The following C3orf62 variants were observed in gnomAD, a reference collection of about 807,000 sequenced individuals.
C3orf62 encodes uncharacterized protein C3orf62.
C3orf62 carries 16 observed loss-of-function variants against 21.7 expected under a neutral mutation model. The observed-to-expected ratio is 0.74, with a 90% CI of 0.50 to 1.12. The LOEUF (loss-of-function observed/expected upper bound fraction) is 1.12, where lower values mean the gene tolerates loss of function less well. Among genes scored for constraint, C3orf62 ranks in the 50% most tolerant of loss-of-function variants. The probability of loss-of-function intolerance (pLI) is 0.00; values close to 1 mark genes in which losing one functional copy is unlikely to be tolerated. For missense variants in C3orf62, 310 were observed against 318.8 expected (o/e 0.97, Z 0.21); for synonymous variants, 114 against 117.0 (o/e 0.97, Z 0.17).
Position 49,276,909 on chromosome 3 carries a change from G to T in C3orf62, c.-37C>A. The T allele has an allele frequency of 6.3e-7, 1 of 1,574,954 alleles. No individual in the cohort carries two copies. The highest frequency in any genetic ancestry group is 1.7e-4 in the Middle Eastern group (1 of 5,856). On this transcript the variant is annotated 5_prime_UTR_variant, in exon 1 of 3. Coordinates refer to ENST00000343010, the MANE Select transcript of C3orf62 (RefSeq NM_198562.3). ...AGGACAACACAATAATGTTACAAAT[G>T]AGGCTGCAAACTACCCCTGAATGGC... is the stretch of plus-strand genomic sequence containing the variant.
intron 2 of C3orf62, 37 bp from the exon 3 acceptor site, chr3:49,271,482 G>A: frequency 6.3e-7 from 1 of 1,591,450 alleles, no homozygotes; most frequent in Non-Finnish European, 8.6e-7. Context: ...CAATTCCAGT[G>A]GAAGGTTTCT....
rs1023692104 is a variant in C3orf62, at chr3:49,271,046, T to G, written c.*134A>C. The G allele has an allele frequency of 3.5e-6, 3 of 853,416 alleles. No individual in the cohort carries two copies. Among genetic ancestry groups the G allele is most frequent in the African/African-American group, 3.4e-5 (2 of 59,112 alleles). The allele number at this position is 853,416 out of a possible 1,614,324, so 52.9% of individuals were successfully genotyped here. On this transcript the variant is annotated 3_prime_UTR_variant, in exon 3 of 3. Transcript: ENST00000343010. Reference sequence around the variant, plus strand: ...AGCTTAAAAAGGGACACAACTGGGATTTAAAAAGGGTCTGGTAATTCAGGT... The same window carrying G: ...AGCTTAAAAAGGGACACAACTGGGAGTTAAAAAGGGTCTGGTAATTCAGGT...
In C3orf62 at chr3:49,271,069, G is replaced by C; in HGVS notation, c.*111C>G. On this transcript the variant is annotated 3_prime_UTR_variant, in exon 3 of 3. Transcript: ENST00000343010. ...GATTTAAAAAGGGTCTGGTAATTCAGGTTCTGCCAACCTTTTGAGAAATGT... is the reference window on the plus strand; with the variant it reads ...GATTTAAAAAGGGTCTGGTAATTCACGTTCTGCCAACCTTTTGAGAAATGT... The C allele has an allele frequency of 1.8e-6, 2 of 1,110,634 alleles. No individual in the cohort carries two copies. Among genetic ancestry groups the C allele is most frequent in the South Asian group, 3.2e-5 (2 of 62,752 alleles). The allele number at this position is 1,110,634 out of a possible 1,614,324, so 68.8% of individuals were successfully genotyped here.
At chr3:49,274,288 G>A in intron 1 of C3orf62, 148 bp from the exon 2 acceptor site, 1 of 623,262 alleles carries the variant, frequency 1.6e-6, no homozygotes, top group Non-Finnish European at 2.9e-6. Context: ...AGGACAATTG[G>A]AAACTGCTAC....
In C3orf62 at chr3:49,271,378, G is replaced by C; in HGVS notation, c.606C>G (p.His202Gln). 1 of 1,614,216 alleles carries C rather than the reference G, an allele frequency of 6.2e-7. No individual in the cohort carries two copies. Among genetic ancestry groups the C allele is most frequent in the African/African-American group, 1.3e-5 (1 of 75,054 alleles). ...GKIEFENELNHMCGHCQDSPF... is the reference protein window; with the variant it reads ...GKIEFENELNQMCGHCQDSPF... ...GTGAATCTTGGCAATGACCACACAT[G>C]TGGTTCAATTCGTTTTCAAATTCTA... The change falls in exon 3 of 3, where the codon CAC becomes CAG. Residue 202 changes from histidine (H) to glutamine (Q), a missense_variant. His to Gln is a conservative substitution (Grantham distance 24). Transcript: ENST00000343010.
chr3:49,273,634 G>A (rs983243430), intron 2 of C3orf62, among the ~76,000 whole-genome samples: 1 of 151,892 alleles, frequency 6.6e-6, no homozygotes, highest in African/African-American at 2.4e-5. Flanking sequence ...CGCTATGTAT[G>A]GTACCCAAGC....
Position 49,277,123 on chromosome 3 carries a change from C to G in C3orf62, c.-251G>C. 2.7e-6 allele frequency: 4 copies of G among 1,472,026 alleles called. No homozygotes were observed. The highest frequency in any genetic ancestry group is 3.6e-6 in the Non-Finnish European group (4 of 1,105,410). The allele number at this position is 1,472,026 out of a possible 1,614,324, so 91.2% of individuals were successfully genotyped here. On this transcript the variant is annotated 5_prime_UTR_variant, in exon 1 of 3. Coordinates refer to ENST00000343010, the MANE Select transcript of C3orf62 (RefSeq NM_198562.3). ...CTGCCTCCCGCCCCACCGCGGCTCC[C>G]AGGCCGCTGGCCCTACCGGCACCCC... is the stretch of plus-strand genomic sequence containing the variant.
intron 1 of C3orf62, among the ~76,000 whole-genome samples, chr3:49,275,641 C>T: frequency 6.9e-6 from 1 of 144,732 alleles, no homozygotes. Flanking sequence ...TGCCATTCTC[C>T]TGCCTCAGCC....
intron 1 of C3orf62, among the ~76,000 whole-genome samples, chr3:49,275,548 T>TTTTTTTC (rs1575595771): frequency 7.6e-6 from 1 of 131,932 alleles, no homozygotes; most frequent in Non-Finnish European, 1.6e-5. Flanking sequence ...TTTTTTTTTT[T>TTTTTTTC]GATACGGAGT....
rs1559460581 is a variant in C3orf62, at chr3:49,276,635, CA to C, written c.237del (p.Phe79LeufsTer22). 6.2e-7 allele frequency: 1 copy of C among 1,614,192 alleles called. No individual in the cohort carries two copies. Among genetic ancestry groups the C allele is most frequent in the Admixed American group, 1.7e-5 (1 of 60,024 alleles). ...TTCTCAGGAGCACATGGGACAGCAG[CA>C]AAAGGAGCAGCAGAAGAGCAGGCTG... The part of the protein sequence containing the change: ...PLAACSSAAP[F>X]AAVPCAPENE... On this transcript the variant is annotated frameshift_variant, in exon 1 of 3. Transcript: ENST00000343010. LOFTEE classifies it high-confidence loss of function.
rs1346953275 is a variant in C3orf62 at position 49,276,979 on chromosome 3, C to A, written c.-107G>T. ...GCCCTGGCTATAGCAGGACCCACAACCCTCGGGCTTTCCTCCTGGAGTAGG... is the reference window on the plus strand; with the variant it reads ...GCCCTGGCTATAGCAGGACCCACAAACCTCGGGCTTTCCTCCTGGAGTAGG... On this transcript the variant is annotated 5_prime_UTR_variant, in exon 1 of 3. Coordinates refer to ENST00000343010, the MANE Select transcript of C3orf62 (RefSeq NM_198562.3). 1 of 1,487,690 alleles carries A rather than the reference C, an allele frequency of 6.7e-7. No homozygotes were observed. Among genetic ancestry groups the A allele is most frequent in the African/African-American group, 1.4e-5 (1 of 71,290 alleles). The allele number at this position is 1,487,690 out of a possible 1,614,324, so 92.2% of individuals were successfully genotyped here.
rs1559460825 is a variant in C3orf62 at position 49,276,915 on chromosome 3, G to A, written c.-43C>T. 6.4e-7 allele frequency: 1 copy of A among 1,569,872 alleles called. No individual in the cohort carries two copies. Among genetic ancestry groups the A allele is most frequent in the Non-Finnish European group, 8.6e-7 (1 of 1,158,214 alleles). On this transcript the variant is annotated 5_prime_UTR_variant, in exon 1 of 3. Coordinates refer to ENST00000343010, the MANE Select transcript of C3orf62 (RefSeq NM_198562.3). ...ACACAATAATGTTACAAATGAGGCTGCAAACTACCCCTGAATGGCCACGAT... is the reference window on the plus strand; with the variant it reads ...ACACAATAATGTTACAAATGAGGCTACAAACTACCCCTGAATGGCCACGAT...
chr3:49,276,993 T>C lies in C3orf62; in HGVS notation c.-121A>G, dbSNP rs1307541474. On this transcript the variant is annotated 5_prime_UTR_variant, in exon 1 of 3. Transcript: ENST00000343010. ...AGGACCCACAACCCTCGGGCTTTCCTCCTGGAGTAGGCGGTTCTCGGCTCT... is the reference window on the plus strand; with the variant it reads ...AGGACCCACAACCCTCGGGCTTTCCCCCTGGAGTAGGCGGTTCTCGGCTCT... The C allele has an allele frequency of 6.8e-7, 1 of 1,473,768 alleles. No individual in the cohort carries two copies. The highest frequency in any genetic ancestry group is 2.4e-5 in the East Asian group (1 of 41,104). 91.3% of individuals were successfully genotyped at this position (1,473,768 alleles called of 1,614,324 possible).
At chr3:49,272,013 C>T (rs1475140244) in intron 2 of C3orf62, among the ~76,000 whole-genome samples, 2 of 151,990 alleles carry the variant, frequency 1.3e-5, no homozygotes, top group African/African-American at 4.8e-5. Context: ...AGTTTACCTC[C>T]TGGGGCTACT....
rs2046912079 is a variant in C3orf62, at chr3:49,271,591, C to A, written c.539-146G>T. ...TCCTGCCCCAGGACAGGCAGGCTGC[C>A]AGACTGCCAAATTAAGGTGGGTTTG... On this transcript the variant is annotated intron_variant, in intron 2 of 2. Transcript: ENST00000343010. 4 of 1,054,038 alleles carry A rather than the reference C, an allele frequency of 3.8e-6. No homozygotes were observed. The East Asian group carries it at 9.6e-5, about 25-fold the overall frequency. The allele number at this position is 1,054,038 out of a possible 1,614,324, so 65.3% of individuals were successfully genotyped here.
chr3:49,271,534 T>C, intron 2 of C3orf62, 89 bp from the exon 3 acceptor site: 1 of 1,443,876 alleles, frequency 6.9e-7, no homozygotes, highest in Non-Finnish European at 9.4e-7. Flanking sequence ...GAATGGGTTG[T>C]CATTTATCAG....
At position 49,271,096 on chromosome 3, in the gene C3orf62, GC is replaced by G. The variant is rs2046909332; in HGVS notation, c.*83del. 1.5e-6 allele frequency: 2 copies of G among 1,359,486 alleles called. No individual in the cohort carries two copies. The highest frequency in any genetic ancestry group is 2.9e-5 in the African/African-American group (2 of 68,750). The allele number at this position is 1,359,486 out of a possible 1,614,324, so 84.2% of individuals were successfully genotyped here. A position where few individuals can be genotyped will look rare whatever the true frequency, so the allele number is the denominator to read the frequency against. On this transcript the variant is annotated 3_prime_UTR_variant, in exon 3 of 3. Coordinates refer to ENST00000343010, the MANE Select transcript of C3orf62 (RefSeq NM_198562.3). ...TTCTGCCAACCTTTTGAGAAATGTGGCCCCTGACGGCCATTGTAGCTGCTTC... is the reference window on the plus strand; with the variant it reads ...TTCTGCCAACCTTTTGAGAAATGTGGCCCTGACGGCCATTGTAGCTGCTTC...
At chr3:49,276,290 A>G (rs1024217957) in intron 1 of C3orf62, 137 bp downstream of exon 1, 18 of 767,966 alleles carry the variant, frequency 2.3e-5, no homozygotes, top group Middle Eastern at 3.6e-4. Context: ...ATGTCTGTCA[A>G]CTCCCCAAAT....
At chr3:49,275,787 C>T (rs983779699) in intron 1 of C3orf62, among the ~76,000 whole-genome samples, 3 of 152,052 alleles carry the variant, frequency 2.0e-5, no homozygotes, top group East Asian at 3.9e-4. Context: ...GCCTCGGCCT[C>T]CCAAAGTGCT....
Sources: allele counts gnomAD v4.1 joint callset (sites outside exome capture counted in the v4.1 genomes callset), GRCh38; gene constraint gnomAD v4.1.1; transcripts MANE v1.5; gene names NCBI Gene and HGNC (gene_info 2026-07-23, HGNC 2026-07-21).